Variants in TDRD12 observed in about 807,000 individuals in gnomAD.
The protein encoded by TDRD12 is putative ATP-dependent RNA helicase TDRD12.
TDRD12 carries 158 observed loss-of-function variants against 133.5 expected under a neutral mutation model. The observed-to-expected ratio is 1.18, with a 90% CI of 1.04 to 1.35. The LOEUF (loss-of-function observed/expected upper bound fraction) is 1.35. Ranked by LOEUF, TDRD12 falls within the 40% of genes most tolerant of loss-of-function variation. The pLI, the probability that TDRD12 is intolerant of heterozygous loss-of-function variation, is 0.00. For synonymous variants in TDRD12, 460 were observed against 477.9 expected (o/e 0.96, Z 0.49); for missense variants, 1,443 against 1,321.3 (o/e 1.09, Z -1.43).
At chr19:32,738,010 G>A (rs547787436) in intron 2 of TDRD12, among the ~76,000 whole-genome samples, 5 of 152,202 alleles carry the variant, frequency 3.3e-5, no homozygotes, top group East Asian at 1.9e-4. Context: ...GGTGGCATGC[G>A]CCTGTAATCC....
intron 13 of TDRD12, among the ~76,000 whole-genome samples, chr19:32,793,831 G>C (rs1042862842): frequency 2.3e-5 from 2 of 87,952 alleles, no homozygotes; most frequent in African/African-American, 9.7e-5. Context: ...TTTTGCTCTT[G>C]TTGCCCAGGC....
At chr19:32,805,919 A>G (rs1052057375) in intron 21 of TDRD12, among the ~76,000 whole-genome samples, 1 of 151,458 alleles carries the variant, frequency 6.6e-6, no homozygotes, top group African/African-American at 2.4e-5. Context: ...TTTAGTAGAG[A>G]CGGGGTTTCA....
At chr19:32,780,147 A>C (rs547338155) in intron 11 of TDRD12, among the ~76,000 whole-genome samples, 137 of 147,046 alleles carry the variant, frequency 9.3e-4, no homozygotes, top group African/African-American at 3.4e-3. Flanking sequence ...GCAGCGGTAC[A>C]ATCTCGCCTT....
intron 21 of TDRD12, among the ~76,000 whole-genome samples, chr19:32,807,267 TA>T (rs59421213): frequency 9.4e-3 from 444 of 47,150 alleles, no homozygotes; most frequent in African/African-American, 0.042. Flanking sequence ...ACCAAACTCT[TA>T]AAAAAAAAAA....
intron 4 of TDRD12, among the ~76,000 whole-genome samples, chr19:32,744,812 A>G (rs992437546): frequency 1.3e-5 from 2 of 152,070 alleles, no homozygotes; most frequent in Admixed American, 6.5e-5. Context: ...TCCCGGGACG[A>G]TGGCATTATG....
exon 21 of TDRD12, chr19:32,802,952 G>A: frequency 6.5e-7 from 1 of 1,535,980 alleles, no homozygotes; most frequent in Non-Finnish European, 8.7e-7. Context: ...AGATAAGAAA[G>A]CCAAATCTGT....
chr19:32,809,768 GTGCTA>G (rs1242637426), intron 22 of TDRD12, among the ~76,000 whole-genome samples: 1 of 152,228 alleles, frequency 6.6e-6, no homozygotes, highest in Non-Finnish European at 1.5e-5. Context: ...AGAGACAGCA[GTGCTA>G]TTTTAAGAAG....
exon 16 of TDRD12, chr19:32,798,327 C>T (rs1250652583): frequency 6.5e-7 from 1 of 1,535,066 alleles, no homozygotes; most frequent in Non-Finnish European, 8.7e-7. Flanking sequence ...TTGTTACGAC[C>T]CCATACAGCC....
intron 4 of TDRD12, among the ~76,000 whole-genome samples, chr19:32,746,821 G>A (rs1969654689): frequency 6.7e-6 from 1 of 150,104 alleles, no homozygotes; most frequent in Non-Finnish European, 1.5e-5. Flanking sequence ...ACTGGCTGAT[G>A]TGGTTATCCT....
chr19:32,813,674 C>CT lies in TDRD12; in HGVS notation c.3049-4dup, dbSNP rs1157691402. 6.1e-6 allele frequency: 9 copies of CT among 1,487,070 alleles called. No individual in the cohort carries two copies. The African/African-American group carries it at 1.1e-4, about 18-fold the overall frequency. The allele number at this position is 1,487,070 out of a possible 1,614,324, so 92.1% of individuals were successfully genotyped here. A position where few individuals can be genotyped will look rare whatever the true frequency, so the allele number is the denominator to read the frequency against. On this transcript the variant is annotated splice_polypyrimidine_tract_variant and intron_variant, in intron 24 of 27. Transcript: ENST00000444215. ...GCCTCACCTAAAATAATGTTAAGTGCTTTTTTCAGGTTACTAGGTACATTC... is the reference window on the plus strand; with the variant it reads ...GCCTCACCTAAAATAATGTTAAGTGCTTTTTTTCAGGTTACTAGGTACATTC...
chr19:32,761,996 C>T (rs937467854), intron 8 of TDRD12, among the ~76,000 whole-genome samples: 1 of 152,186 alleles, frequency 6.6e-6, no homozygotes, highest in Non-Finnish European at 1.5e-5. Flanking sequence ...GAGCCACCCA[C>T]CATGTCCGGC....
At chr19:32,722,004 C>T (rs1276261485) in intron 1 of TDRD12, among the ~76,000 whole-genome samples, 1 of 152,228 alleles carries the variant, frequency 6.6e-6, no homozygotes, top group Non-Finnish European at 1.5e-5. Context: ...GCGTGAGCCA[C>T]CACGCCCGGC....
At chr19:32,723,330 A>C (rs1420699015) in intron 1 of TDRD12, among the ~76,000 whole-genome samples, 3 of 150,606 alleles carry the variant, frequency 2.0e-5, no homozygotes, top group Non-Finnish European at 1.5e-5. Context: ...GGCACAGTGC[A>C]AGCTCTGCCT....
intron 6 of TDRD12, among the ~76,000 whole-genome samples, chr19:32,750,378 G>A (rs1267677518): frequency 1.3e-5 from 2 of 152,136 alleles, no homozygotes; most frequent in African/African-American, 2.4e-5. Flanking sequence ...TGGACAGAAG[G>A]GGCACACATC....
intron 11 of TDRD12, among the ~76,000 whole-genome samples, chr19:32,785,200 C>T (rs900059204): frequency 7.9e-5 from 12 of 152,252 alleles, no homozygotes; most frequent in African/African-American, 2.9e-4. Context: ...TTTATTTCTG[C>T]CTTCATTTCA....
intron 1 of TDRD12, among the ~76,000 whole-genome samples, chr19:32,723,667 CAA>C (rs11417872): frequency 1.2e-4 from 12 of 98,482 alleles, no homozygotes; most frequent in African/African-American, 1.1e-4. Context: ...CTGAGTCTAC[CAA>C]AAAAAAAAAA....
chr19:32,748,940 T>G (rs7247264), intron 5 of TDRD12, among the ~76,000 whole-genome samples: 26,917 of 152,266 alleles, frequency 0.18, 2,505 homozygotes, highest in African/African-American at 0.21. Context: ...ACTTCTAATT[T>G]AAGATGCATA....
In TDRD12 at chr19:32,790,954, G is replaced by T; in HGVS notation, c.1183-10G>T. The T allele has an allele frequency of 6.5e-7, 1 of 1,534,782 alleles. No individual in the cohort carries two copies. Among genetic ancestry groups the T allele is most frequent in the Non-Finnish European group, 8.7e-7 (1 of 1,146,624 alleles). ...CAGACACTGGTTGTCTAATGCACACGTTCTCTCAGTTGCAGAAGCTGAAGG... is the reference window on the plus strand; with the variant it reads ...CAGACACTGGTTGTCTAATGCACACTTTCTCTCAGTTGCAGAAGCTGAAGG... On this transcript the variant is annotated splice_polypyrimidine_tract_variant and intron_variant, in intron 12 of 27. Coordinates refer to ENST00000444215, the Ensembl canonical transcript of TDRD12.
rs554702948 is a variant in TDRD12, at chr19:32,720,319, C to T, written c.24+223C>T. Among the ~76,000 whole-genome samples, 229 of 84,164 alleles carry T rather than the reference C, an allele frequency of 2.7e-3. 1 individual carries two copies. Among genetic ancestry groups the T allele is most frequent in the South Asian group, 0.016 (32 of 2,018 alleles). The allele number at this position is 84,164 out of a possible 152,430, so 55.2% of individuals were successfully genotyped here. ...CACCCACTCCTCCCAGCCCACGCAT[C>T]CCCCCCATGTCCACTCCCTCTCAGC... is the stretch of plus-strand genomic sequence containing the variant. On this transcript the variant is annotated intron_variant, in intron 1 of 27. Coordinates refer to ENST00000444215, the Ensembl canonical transcript of TDRD12.
Sources: gnomAD v4.1 joint callset for allele counts (sites outside exome capture counted in the v4.1 genomes callset) on GRCh38, gnomAD v4.1.1 for gene constraint, MANE v1.5 for transcripts, NCBI Gene and HGNC (gene_info 2026-07-23, HGNC 2026-07-21) for gene names.